Variants in DCDC2 observed in about 807,000 individuals in gnomAD.
DCDC2 encodes doublecortin domain-containing protein 2.
DCDC2 carries 40 observed loss-of-function variants against 50.2 expected under a neutral mutation model. The observed-to-expected ratio is 0.80, with a 90% CI of 0.62 to 1.04. DCDC2 has a LOEUF of 1.04. DCDC2 is among the 50% of genes least tolerant of loss of function. DCDC2 has a pLI of 0.00. For missense variants in DCDC2, 570 were observed against 581.9 expected (o/e 0.98, Z 0.21); for synonymous variants, 234 against 210.6 (o/e 1.11, Z -0.96).
intron 5 of DCDC2, among the ~76,000 whole-genome samples, chr6:24,289,443 G>T (rs568066058): frequency 6.6e-6 from 1 of 152,262 alleles, no homozygotes; most frequent in African/African-American, 2.4e-5. Flanking sequence ...ATTAGGAAAA[G>T]ACCCATCTTG....
At chr6:24,220,313 T>C (rs994202862) in intron 7 of DCDC2, among the ~76,000 whole-genome samples, 2 of 152,210 alleles carry the variant, frequency 1.3e-5, no homozygotes, top group Admixed American at 6.5e-5. Flanking sequence ...ATAAAAATAG[T>C]AAAATTAGTA....
intron 8 of DCDC2, among the ~76,000 whole-genome samples, chr6:24,195,404 A>T (rs1157619200): frequency 2.0e-5 from 3 of 152,160 alleles, no homozygotes; most frequent in Non-Finnish European, 4.4e-5. Context: ...TATTACATAA[A>T]ATTTACCATT....
chr6:24,253,980 G>T (rs2113800833), intron 7 of DCDC2, among the ~76,000 whole-genome samples: 1 of 152,164 alleles, frequency 6.6e-6, no homozygotes, highest in South Asian at 2.1e-4. Context: ...CAAACACATT[G>T]TACAGCTGTA....
At chr6:24,203,346 T>C (rs1761630124) in intron 8 of DCDC2, among the ~76,000 whole-genome samples, 1 of 152,132 alleles carries the variant, frequency 6.6e-6, no homozygotes, top group African/African-American at 2.4e-5. Context: ...TCTACAACCA[T>C]CTGATCTTTG....
intron 7 of DCDC2, among the ~76,000 whole-genome samples, chr6:24,231,172 A>G (rs1018880103): frequency 6.6e-6 from 1 of 152,220 alleles, no homozygotes; most frequent in African/African-American, 2.4e-5. Context: ...TTCCCTTCTC[A>G]GCATCGCTGT....
chr6:24,295,410 G>A (rs893407118), intron 4 of DCDC2, among the ~76,000 whole-genome samples: 47 of 152,266 alleles, frequency 3.1e-4, no homozygotes, highest in African/African-American at 1.1e-3. Flanking sequence ...ACCAGCAGAA[G>A]AAAGAGATGC....
At chr6:24,192,413 T>C (rs2083842376) in intron 8 of DCDC2, among the ~76,000 whole-genome samples, 2 of 151,428 alleles carry the variant, frequency 1.3e-5, no homozygotes, top group African/African-American at 4.8e-5. Context: ...GTGTCCTTAA[T>C]ACCTCACTCT....
intron 7 of DCDC2, 135 bp downstream of exon 7, chr6:24,277,914 A>G (rs1451222094): frequency 1.4e-6 from 1 of 718,318 alleles, no homozygotes; most frequent in Non-Finnish European, 2.2e-6. Context: ...AGCATCTCTC[A>G]TATACAAATA....
At chr6:24,359,418 A>AG (rs1259357184), upstream of DCDC2, among the ~76,000 whole-genome samples, 17 of 65,718 alleles carry the variant, frequency 2.6e-4, no homozygotes, top group East Asian at 1.5e-3. Context: ...TATATTATAT[A>AG]TTATATATAT....
chr6:24,295,743 A>C (rs1365897945), intron 4 of DCDC2, among the ~76,000 whole-genome samples: 1 of 152,216 alleles, frequency 6.6e-6, no homozygotes, highest in Admixed American at 6.5e-5. Context: ...AAAATAAAAT[A>C]TCTAGGACTA....
At chr6:24,360,096 T>A (rs1233237203), upstream of DCDC2, among the ~76,000 whole-genome samples, 2 of 152,328 alleles carry the variant, frequency 1.3e-5, no homozygotes, top group Non-Finnish European at 2.9e-5. Context: ...CCAGCTGCTG[T>A]TACCTCTGCG....
Position 24,325,457 on chromosome 6 carries a change from T to G in DCDC2, c.349-23413A>C, listed in dbSNP as rs181312430. Reference sequence around the variant, plus strand: ...AAGATGAGTGGGGGTTATTGTCTTCTCTAAGAAACTAAACGTCCCTCACAT... The same window carrying G: ...AAGATGAGTGGGGGTTATTGTCTTCGCTAAGAAACTAAACGTCCCTCACAT... On this transcript the variant is annotated intron_variant, in intron 2 of 9. Transcript: ENST00000378454. Among the ~76,000 whole-genome samples, 96 of 149,620 alleles carry G rather than the reference T, an allele frequency of 6.4e-4. 1 individual carries two copies. The highest frequency in any genetic ancestry group is 2.3e-3 in the African/African-American group (94 of 41,432).
At chr6:24,371,276 CAAAA>C in the DCDC2 span, among the ~76,000 whole-genome samples, 5 of 102,030 alleles carry the variant, frequency 4.9e-5, no homozygotes, top group Admixed American at 1.2e-4. Context: ...CACTCCATCT[CAAAA>C]AAAAAAAAAA....
chr6:24,269,753 C>T (rs570887529), intron 7 of DCDC2, among the ~76,000 whole-genome samples: 1 of 152,106 alleles, frequency 6.6e-6, no homozygotes, highest in East Asian at 1.9e-4. Context: ...TCATTTGATA[C>T]AGAAACTAGA....
chr6:24,260,534 A>C (rs1190413274), intron 7 of DCDC2, among the ~76,000 whole-genome samples: 8 of 152,202 alleles, frequency 5.3e-5, no homozygotes, highest in Admixed American at 5.2e-4. Flanking sequence ...TCTCCCAACT[A>C]ATTTCTAAAA....
intron 2 of DCDC2, among the ~76,000 whole-genome samples, chr6:24,317,171 C>T (rs10456303): frequency 0.18 from 27,642 of 151,850 alleles, 2,641 homozygotes; most frequent in African/African-American, 0.24. Context: ...ATGTTAGACT[C>T]AGGGACAATA....
chr6:24,377,717 A>G, the DCDC2 span, among the ~76,000 whole-genome samples: 1 of 152,222 alleles, frequency 6.6e-6, no homozygotes, highest in Admixed American at 6.5e-5. Flanking sequence ...GCCGGGCACA[A>G]TGACTTACAC....
At chr6:24,325,797 A>AT (rs751058451) in intron 2 of DCDC2, among the ~76,000 whole-genome samples, 13 of 149,318 alleles carry the variant, frequency 8.7e-5, no homozygotes, top group Non-Finnish European at 1.6e-4. Context: ...CTGTTTTAAA[A>AT]ATATATATAT....
At chr6:24,190,928 C>A (rs974760050) in intron 8 of DCDC2, among the ~76,000 whole-genome samples, 4 of 152,106 alleles carry the variant, frequency 2.6e-5, no homozygotes, top group African/African-American at 9.7e-5. Context: ...ATTAGAAGCC[C>A]CTCATCTTCT....
Sources: gnomAD v4.1 joint callset for allele counts (sites outside exome capture counted in the v4.1 genomes callset) on GRCh38, gnomAD v4.1.1 for gene constraint, MANE v1.5 for transcripts, NCBI Gene and HGNC (gene_info 2026-07-23, HGNC 2026-07-21) for gene names.